The following ARPP21 variants were observed in gnomAD, a reference collection of about 807,000 sequenced individuals.
ARPP21 encodes the protein cAMP-regulated phosphoprotein 21.
A neutral mutation model predicts 113.2 loss-of-function variants in ARPP21; 69 were observed. The ratio of observed to expected loss-of-function variants is 0.61; its 90% CI spans 0.50 to 0.74. The LOEUF (loss-of-function observed/expected upper bound fraction) is 0.74. ARPP21 is among the 30% of genes least tolerant of loss of function. ARPP21 has a pLI of 0.00. For missense variants in ARPP21, 1,070 were observed against 1,037.4 expected (o/e 1.03, Z -0.43); for synonymous variants, 368 against 375.5 (o/e 0.98, Z 0.23).
intron 19 of ARPP21, 83 bp from the exon 20 acceptor site, chr3:35,792,299 C>A: frequency 8.0e-7 from 1 of 1,257,248 alleles, no homozygotes; most frequent in Non-Finnish European, 1.1e-6. Flanking sequence ...TGAAGGCTGC[C>A]TTTTGAACCA....
chr3:35,707,217 A>C, intron 10 of ARPP21, 135 bp downstream of exon 10: 2 of 675,744 alleles, frequency 3.0e-6, no homozygotes, highest in Non-Finnish European at 2.6e-6. Context: ...CCTATCTCCA[A>C]CCTCCTTCTC....
intron 19 of ARPP21, among the ~76,000 whole-genome samples, chr3:35,765,343 G>A (rs1201158985): frequency 6.6e-6 from 1 of 152,082 alleles, no homozygotes; most frequent in Admixed American, 6.6e-5. Context: ...AAACATGTCT[G>A]AGATTGATTC....
At chr3:35,681,048 T>G (rs754259551) in intron 2 of ARPP21, 1 of 151,882 alleles carries the variant, frequency 6.6e-6, no homozygotes, top group Non-Finnish European at 1.5e-5. Context: ...AAAGACTTCC[T>G]TCCACAGGAT....
chr3:35,675,170 C>A (rs2077165757), intron 1 of ARPP21, among the ~76,000 whole-genome samples: 3 of 144,126 alleles, frequency 2.1e-5, no homozygotes. Context: ...TTAAAGTTTG[C>A]ATCATGCTGG....
chr3:35,721,772 C>T lies in ARPP21; in HGVS notation c.1163C>T (p.Thr388Met), dbSNP rs571766655. 10 of 1,613,592 alleles carry T rather than the reference C, an allele frequency of 6.2e-6. No homozygotes were observed. Among genetic ancestry groups the T allele is most frequent in the South Asian group, 3.3e-5 (3 of 90,950 alleles). ...AAGACGGCGAGTTTTGGGGGCATCA[C>T]GGTGCTGACCAGGGGTGACAGCACT... ...MTKTASFGGITVLTRGDSTSS... is the reference protein window; with the variant it reads ...MTKTASFGGIMVLTRGDSTSS... The change falls in exon 14 of 21, where the codon ACG becomes ATG. Residue 388 changes from threonine (T) to methionine (M), a missense_variant. Thr to Met is a moderately conservative substitution (Grantham distance 81). Transcript: ENST00000684406.
At chr3:35,664,697 G>T (rs1559540539) in intron 1 of ARPP21, among the ~76,000 whole-genome samples, 1 of 152,148 alleles carries the variant, frequency 6.6e-6, no homozygotes, top group Non-Finnish European at 1.5e-5. Context: ...GGGCTGTGGC[G>T]GTTGCGTTTC....
chr3:35,790,857 T>A (rs920103747), intron 19 of ARPP21, among the ~76,000 whole-genome samples: 1 of 152,172 alleles, frequency 6.6e-6, no homozygotes, highest in Non-Finnish European at 1.5e-5. Flanking sequence ...ATGAAGATAA[T>A]TTAGGGTAAT....
chr3:35,745,528 G>A (rs1381188671), intron 19 of ARPP21, among the ~76,000 whole-genome samples: 1 of 152,166 alleles, frequency 6.6e-6, no homozygotes, highest in African/African-American at 2.4e-5. Flanking sequence ...TTGTGGTAGA[G>A]TGTCATCATA....
At chr3:35,756,397 A>G (rs1305531836) in intron 19 of ARPP21, among the ~76,000 whole-genome samples, 1 of 152,130 alleles carries the variant, frequency 6.6e-6, no homozygotes, top group East Asian at 1.9e-4. Context: ...TATTTGCACA[A>G]ACGTTCTTTG....
chr3:35,785,217 G>A (rs1257740147), intron 19 of ARPP21: 1 of 152,122 alleles, frequency 6.6e-6, no homozygotes, highest in African/African-American at 2.4e-5. Flanking sequence ...TAACACGACG[G>A]GTAGAGGTGC....
intron 13 of ARPP21, among the ~76,000 whole-genome samples, chr3:35,718,891 G>T: frequency 7.4e-6 from 1 of 134,530 alleles, no homozygotes; most frequent in African/African-American, 2.9e-5. Context: ...GGTGATTCCA[G>T]TAGGAGAGTA....
intron 19 of ARPP21, among the ~76,000 whole-genome samples, chr3:35,773,670 T>C (rs1439873794): frequency 6.6e-6 from 1 of 152,206 alleles, no homozygotes; most frequent in African/African-American, 2.4e-5. Context: ...TTGTTAATAA[T>C]GCCAGGCCAC....
intron 14 of ARPP21, among the ~76,000 whole-genome samples, chr3:35,723,715 G>C (rs1037275768): frequency 3.9e-5 from 6 of 152,116 alleles, no homozygotes; most frequent in Non-Finnish European, 8.8e-5. Flanking sequence ...CCAAAGCAAA[G>C]CTCTTTGGAA....
chr3:35,691,142 G>A (rs1004229895), intron 9 of ARPP21, 137 bp downstream of exon 9: 21 of 926,068 alleles, frequency 2.3e-5, no homozygotes, highest in Admixed American at 1.8e-4. Flanking sequence ...ATCAGAAGTA[G>A]TGTGGCATTT....
chr3:35,652,482 T>G (rs1400625449), intron 1 of ARPP21, among the ~76,000 whole-genome samples: 1 of 152,002 alleles, frequency 6.6e-6, no homozygotes. Flanking sequence ...GCTGTGAAAA[T>G]AGACTGTTTT....
chr3:35,773,300 T>G (rs1334570667), intron 19 of ARPP21, among the ~76,000 whole-genome samples: 1 of 152,150 alleles, frequency 6.6e-6, no homozygotes, highest in African/African-American at 2.4e-5. Context: ...TCCCTGACCG[T>G]ATGAGATTGA....
intron 19 of ARPP21, among the ~76,000 whole-genome samples, chr3:35,766,890 T>A (rs1243389017): frequency 6.6e-6 from 1 of 152,138 alleles, no homozygotes; most frequent in Non-Finnish European, 1.5e-5. Flanking sequence ...TGCAAGGAAG[T>A]ATTCCAAGGC....
intron 19 of ARPP21, among the ~76,000 whole-genome samples, chr3:35,786,211 A>G (rs1480016419): frequency 2.0e-5 from 3 of 152,138 alleles, no homozygotes; most frequent in Non-Finnish European, 2.9e-5. Flanking sequence ...AGTCTAGTCT[A>G]TACTGCTTTC....
rs887142924 is a variant in ARPP21 at position 35,684,790 on chromosome 3, C to T, written c.261+975C>T. On this transcript the variant is annotated intron_variant, in intron 5 of 20. Transcript: ENST00000684406. ...AAATAAATTCCTAATAGATTTTGTCCTAAGAGAGTGTTTTTTTTTCTAGCA... is the reference window on the plus strand; with the variant it reads ...AAATAAATTCCTAATAGATTTTGTCTTAAGAGAGTGTTTTTTTTTCTAGCA... The T allele has an allele frequency of 3.0e-6, 3 of 984,616 alleles. No individual in the cohort carries two copies. The African/African-American group carries it at 5.3e-5, about 17-fold the overall frequency. The allele number at this position is 984,616 out of a possible 1,614,324, so 61.0% of individuals were successfully genotyped here.
Sources: allele counts gnomAD v4.1 joint callset (sites outside exome capture counted in the v4.1 genomes callset), GRCh38; gene constraint gnomAD v4.1.1; transcripts MANE v1.5; gene names NCBI Gene and HGNC (gene_info 2026-07-23, HGNC 2026-07-21).